Variants in FAT4 observed in about 807,000 individuals in gnomAD.
FAT4 encodes the protein FAT atypical cadherin 4, also known as protocadherin Fat 4.
A neutral mutation model predicts 303.9 loss-of-function variants in FAT4; 84 were observed. The ratio of observed to expected loss-of-function variants is 0.28; its 90% CI spans 0.23 to 0.33. FAT4 has a LOEUF of 0.33. Ranked by LOEUF, FAT4 falls within the 10% of genes least tolerant of loss-of-function variation. The pLI is 1.00. For missense variants in FAT4, 6,005 were observed against 6,146.8 expected, an observed-to-expected ratio of 0.98 and a Z score of 0.77; for synonymous variants, 2,307 against 2,298.8, an observed-to-expected ratio of 1.00 and a Z score of -0.10.
At chr4:125,335,884 G>T (rs565725825) in intron 2 of FAT4, among the ~76,000 whole-genome samples, 1 of 152,112 alleles carries the variant, frequency 6.6e-6, no homozygotes, top group African/African-American at 2.4e-5. Context: ...CCCTTAATAA[G>T]TGTTGTGAGG....
At position 125,476,175 on chromosome 4, in the gene FAT4, C is replaced by T; in HGVS notation, c.12218C>T (p.Ala4073Val). The change falls in exon 13 of 18, where the codon GCC (alanine) becomes GTC (valine). Residue 4073 changes from alanine to valine, a missense_variant. By Grantham distance (64) the Ala-to-Val change is moderately conservative. Transcript: ENST00000394329. ...TVIARRAGMAASLTVDSCSEN... is the reference protein window; with the variant it reads ...TVIARRAGMAVSLTVDSCSEN... The stretch of plus-strand genomic sequence containing the variant: ...TTTCTTTCTCTTGCTTCGTAGGCAG[C>T]CTCCTTAACTGTGGACTCCTGTTCT... 1 of 1,586,880 alleles carries T rather than the reference C, an allele frequency of 6.3e-7. No homozygotes were observed. Among genetic ancestry groups the T allele is most frequent in the Non-Finnish European group, 8.6e-7 (1 of 1,161,380 alleles).
chr4:125,365,066 C>T (rs763878871), intron 2 of FAT4, among the ~76,000 whole-genome samples: 4 of 151,974 alleles, frequency 2.6e-5, no homozygotes, highest in African/African-American at 7.2e-5. Flanking sequence ...TTCTTGATGA[C>T]GAATTGAATG....
intron 3 of FAT4, among the ~76,000 whole-genome samples, chr4:125,399,421 TG>T (rs1283232264): frequency 6.6e-6 from 1 of 152,012 alleles, no homozygotes; most frequent in Non-Finnish European, 1.5e-5. Context: ...ATTTTTCTTA[TG>T]AAAAAAACTC....
At chr4:125,444,430 C>G (rs1725758613) in intron 8 of FAT4, among the ~76,000 whole-genome samples, 1 of 152,118 alleles carries the variant, frequency 6.6e-6, no homozygotes, top group East Asian at 1.9e-4. Context: ...TGGCATTAAT[C>G]CACTCATAAT....
Position 125,416,642 on chromosome 4 carries a change from G to T in FAT4, c.7018+20G>T. 1 of 1,610,166 alleles carries T rather than the reference G, an allele frequency of 6.2e-7. No homozygotes were observed. The highest frequency in any genetic ancestry group is 1.3e-5 in the African/African-American group (1 of 74,844). On this transcript the variant is annotated intron_variant, in intron 7 of 17. Coordinates refer to ENST00000394329, the MANE Select transcript of FAT4 (RefSeq NM_001291303.3). ...ATTCAGGTAAGTCCATTACACCCTT[G>T]TTCATTTGTAGATAATTTCTAGGCC...
chr4:125,468,374 G>A (rs1726739564), intron 11 of FAT4, 138 bp from the exon 12 acceptor site: 1 of 511,114 alleles, frequency 2.0e-6, no homozygotes. Flanking sequence ...TTTAATTTTA[G>A]TTTAGATGAA....
intron 2 of FAT4, among the ~76,000 whole-genome samples, chr4:125,391,627 A>G (rs1733983154): frequency 6.6e-6 from 1 of 152,176 alleles, no homozygotes; most frequent in Non-Finnish European, 1.5e-5. Context: ...CTGCCCATGT[A>G]TCCTGTTTTT....
In FAT4 at chr4:125,452,253, C is replaced by A. The variant is rs1726113750; in HGVS notation, c.11243C>A (p.Thr3748Asn). The A allele has an allele frequency of 6.2e-7, 1 of 1,614,252 alleles. No homozygotes were observed. The highest frequency in any genetic ancestry group is 2.2e-5 in the East Asian group (1 of 44,884). ...IASSQLTGLG[T>N]AVQLYSAYEE... ...AGCTCACAGCTGACAGGCTTAGGGA[C>A]TGCTGTGCAACTGTACAGTGCATAT... is the stretch of plus-strand genomic sequence containing the variant. The change falls in exon 10 of 18, where the codon ACT (threonine) becomes AAT (asparagine). Residue 3748 changes from threonine to asparagine, a missense_variant. Transcript: ENST00000394329.
chr4:125,343,076 G>A (rs1345557499), intron 2 of FAT4, among the ~76,000 whole-genome samples: 1 of 152,060 alleles, frequency 6.6e-6, no homozygotes, highest in African/African-American at 2.4e-5. Context: ...TAAATTTTAA[G>A]TAATCATTTA....
At chr4:125,327,928 G>T (rs1731219658) in intron 2 of FAT4, among the ~76,000 whole-genome samples, 1 of 152,092 alleles carries the variant, frequency 6.6e-6, no homozygotes, top group South Asian at 2.1e-4. Flanking sequence ...AGGGACTGTT[G>T]CATTAGTGAC....
At position 125,492,556 on chromosome 4, in the gene FAT4, T is replaced by C. The variant is rs928936155; in HGVS notation, c.*788T>C. On this transcript the variant is annotated 3_prime_UTR_variant, in exon 18 of 18. Transcript: ENST00000394329. ...AAAGTTATTTATTGAAAATTTTTCG[T>C]ATGCTTTTAATATTTTAAAGAATTG... 3.3e-5 allele frequency: 5 copies of C among 152,402 alleles called. No individual in the cohort carries two copies. Among genetic ancestry groups the C allele is most frequent in the African/African-American group, 1.2e-4 (5 of 41,472 alleles). 9.4% of individuals were successfully genotyped at this position (152,402 alleles called of 1,614,324 possible).
chr4:125,458,742 T>C (rs528606723), intron 10 of FAT4, among the ~76,000 whole-genome samples: 2 of 152,072 alleles, frequency 1.3e-5, no homozygotes, highest in South Asian at 2.1e-4. Flanking sequence ...TGTAGTCTCA[T>C]TGAGGTTGTG....
At chr4:125,478,243 ATGT>A (rs944321732) in intron 14 of FAT4, among the ~76,000 whole-genome samples, 3 of 152,092 alleles carry the variant, frequency 2.0e-5, no homozygotes, top group Non-Finnish European at 2.9e-5. Flanking sequence ...CTTTTCCTAC[ATGT>A]TGTTACTGTT....
At chr4:125,355,797 C>CTGA (rs1181403311) in intron 2 of FAT4, among the ~76,000 whole-genome samples, 2 of 151,500 alleles carry the variant, frequency 1.3e-5, no homozygotes, top group Non-Finnish European at 2.9e-5. Flanking sequence ...ACATATGGCA[C>CTGA]TGATGATGAT....
intron 16 of FAT4, among the ~76,000 whole-genome samples, chr4:125,483,257 T>A (rs545545662): frequency 1.3e-5 from 2 of 152,308 alleles, no homozygotes; most frequent in East Asian, 3.9e-4. Context: ...ATAATTTTCA[T>A]TGAAAATGGT....
At chr4:125,356,558 T>G (rs982965949) in intron 2 of FAT4, among the ~76,000 whole-genome samples, 27 of 149,272 alleles carry the variant, frequency 1.8e-4, no homozygotes, top group East Asian at 1.8e-3. Flanking sequence ...TGTTTTTTTT[T>G]TTTTTTTGCC....
chr4:125,484,374 G>T (rs897118218), intron 16 of FAT4, among the ~76,000 whole-genome samples: 1 of 152,082 alleles, frequency 6.6e-6, no homozygotes, highest in African/African-American at 2.4e-5. Flanking sequence ...TTCATTCATG[G>T]CATGCCCTAT....
chr4:125,478,296 A>C (rs975426658), intron 14 of FAT4, among the ~76,000 whole-genome samples: 3 of 152,228 alleles, frequency 2.0e-5, no homozygotes, highest in Non-Finnish European at 4.4e-5. Flanking sequence ...ATTATTAATC[A>C]AACAGTACAG....
intron 2 of FAT4, among the ~76,000 whole-genome samples, chr4:125,344,070 G>A (rs1731903102): frequency 6.6e-6 from 1 of 152,112 alleles, no homozygotes; most frequent in African/African-American, 2.4e-5. Context: ...GAAGTTGTGG[G>A]AACATCTTAT....
Sources: allele counts gnomAD v4.1 joint callset (sites outside exome capture counted in the v4.1 genomes callset), GRCh38; gene constraint gnomAD v4.1.1; transcripts MANE v1.5; gene names NCBI Gene and HGNC (gene_info 2026-07-23, HGNC 2026-07-21).